YEATS2: variants seen among roughly 807,000 people sequenced by gnomAD.
The protein encoded by YEATS2 is YEATS domain containing 2.
YEATS2 carries 77 observed loss-of-function variants against 163.2 expected under a neutral mutation model. The ratio of observed to expected loss-of-function variants is 0.47; its 90% CI spans 0.39 to 0.57. YEATS2 has a LOEUF of 0.57. Among genes scored for constraint, YEATS2 ranks in the 20% least tolerant of loss-of-function variants. The pLI, the probability that YEATS2 is intolerant of heterozygous loss-of-function variation, is 0.00. For synonymous variants in YEATS2, 631 were observed against 645.1 expected, an observed-to-expected ratio of 0.98 and a Z score of 0.33; for missense variants, 1,549 against 1,729.8, an observed-to-expected ratio of 0.90 and a Z score of 1.85.
intron 19 of YEATS2, among the ~76,000 whole-genome samples, chr3:183,778,884 T>TAA (rs1409771978): frequency 6.6e-6 from 1 of 152,184 alleles, no homozygotes; most frequent in African/African-American, 2.4e-5. Flanking sequence ...GTTTTTATAT[T>TAA]ACTGTTTTAA....
In YEATS2 at chr3:183,800,457, C is replaced by G; in HGVS notation, c.3326-9C>G. Reference sequence around the variant, plus strand: ...TAACAGCTGCCTCTTTGTTGCTCTTCCCTTGTAGTGAAGACTGAACCAGAA... The same window carrying G: ...TAACAGCTGCCTCTTTGTTGCTCTTGCCTTGTAGTGAAGACTGAACCAGAA... On this transcript the variant is annotated splice_polypyrimidine_tract_variant and intron_variant, in intron 23 of 30. Transcript: ENST00000305135. 1 of 1,610,938 alleles carries G rather than the reference C, an allele frequency of 6.2e-7. No homozygotes were observed. Among genetic ancestry groups the G allele is most frequent in the Non-Finnish European group, 8.5e-7 (1 of 1,177,614 alleles).
At chr3:183,740,999 C>T (rs182608453) in intron 8 of YEATS2, among the ~76,000 whole-genome samples, 71 of 152,188 alleles carry the variant, frequency 4.7e-4, no homozygotes, top group East Asian at 4.4e-3. Flanking sequence ...AGTATAGTGG[C>T]GTGATCTCGG....
At chr3:183,764,083 A>G (rs975924348) in intron 15 of YEATS2, among the ~76,000 whole-genome samples, 1 of 151,852 alleles carries the variant, frequency 6.6e-6, no homozygotes, top group African/African-American at 2.4e-5. Context: ...AAAAAACAAA[A>G]AACAATGGCT....
chr3:183,718,415 T>A, intron 3 of YEATS2, 85 bp from the exon 4 acceptor site: 3 of 969,558 alleles, frequency 3.1e-6, no homozygotes, highest in Non-Finnish European at 4.5e-6. Flanking sequence ...TTTTCACTCA[T>A]TCACGTTTCT....
intron 19 of YEATS2, among the ~76,000 whole-genome samples, chr3:183,779,462 G>T (rs73175349): frequency 6.6e-6 from 1 of 152,242 alleles, no homozygotes; most frequent in Non-Finnish European, 1.5e-5. Context: ...AGTTCCTGTT[G>T]CCCCTCCCTC....
rs1488698963 is a variant in YEATS2 at position 183,711,052 on chromosome 3, TAA to T, written c.-19-4091_-19-4090del. 2.6e-5 allele frequency among the ~76,000 whole-genome samples: 4 copies of T among 152,160 alleles called. No homozygotes were observed. The East Asian group carries it at 7.7e-4, about 29-fold the overall frequency. On this transcript the variant is annotated intron_variant, in intron 1 of 30. Coordinates refer to ENST00000305135, the MANE Select transcript of YEATS2 (RefSeq NM_018023.5). ...CTATCTGCATTAAGGAAGAATAAATTAAGTTTATTTTTTTTTAAAGTTGTCTT... is the reference window on the plus strand; with the variant it reads ...CTATCTGCATTAAGGAAGAATAAATTGTTTATTTTTTTTTAAAGTTGTCTT...
chr3:183,782,173 G>A (rs1456167985), intron 19 of YEATS2, among the ~76,000 whole-genome samples: 1 of 151,884 alleles, frequency 6.6e-6, no homozygotes, highest in Non-Finnish European at 1.5e-5. Flanking sequence ...GCAGTGGTGC[G>A]ATCTTGGCTC....
At chr3:183,805,500 T>C (rs1726098080) in intron 27 of YEATS2, among the ~76,000 whole-genome samples, 1 of 151,158 alleles carries the variant, frequency 6.6e-6, no homozygotes, top group Admixed American at 6.6e-5. Flanking sequence ...AGCACAGAGG[T>C]GGGGTTACTT....
At chr3:183,751,405 A>G (rs541518441) in intron 9 of YEATS2, among the ~76,000 whole-genome samples, 2 of 152,106 alleles carry the variant, frequency 1.3e-5, no homozygotes, top group South Asian at 2.1e-4. Context: ...CTTTTTTTGT[A>G]TTCATCATAT....
At chr3:183,730,396 GGTT>G (rs1310723789) in intron 7 of YEATS2, among the ~76,000 whole-genome samples, 2 of 152,042 alleles carry the variant, frequency 1.3e-5, no homozygotes, top group African/African-American at 4.8e-5. Flanking sequence ...CTGTGGAAGT[GGTT>G]GTTGGTTATT....
chr3:183,736,794 C>G lies in YEATS2; in HGVS notation c.889C>G (p.Gln297Glu). 6.2e-7 allele frequency: 1 copy of G among 1,613,808 alleles called. No homozygotes were observed. The highest frequency in any genetic ancestry group is 1.1e-5 in the South Asian group (1 of 91,036). ...AGTTCAAGTTCATTTTAAGGACAGC[C>G]AGAACAAGCGGATAGATATCATACA... is the stretch of plus-strand genomic sequence containing the variant. ...VRVQVHFKDS[Q>E]NKRIDIIHNL... Residue 297 changes from glutamine (Q) to glutamate (E), a missense_variant, in exon 8 of 31, where the codon CAG (glutamine) becomes GAG (glutamate). By Grantham distance (29) the Gln-to-Glu change is conservative. Transcript: ENST00000305135.
At chr3:183,732,869 A>AT (rs1025954855) in intron 7 of YEATS2, among the ~76,000 whole-genome samples, 4 of 149,396 alleles carry the variant, frequency 2.7e-5, no homozygotes, top group Non-Finnish European at 4.5e-5. Context: ...AATTTTGTTT[A>AT]TTTTTTTAGA....
At chr3:183,780,000 CTTTT>C (rs71298586) in intron 19 of YEATS2, among the ~76,000 whole-genome samples, 2 of 134,812 alleles carry the variant, frequency 1.5e-5, no homozygotes, top group Non-Finnish European at 3.2e-5. Context: ...CTGGCCTTTA[CTTTT>C]TTTTTTTTTT....
intron 1 of YEATS2, among the ~76,000 whole-genome samples, chr3:183,702,838 A>G (rs1022591985): frequency 6.6e-6 from 1 of 151,990 alleles, no homozygotes; most frequent in Non-Finnish European, 1.5e-5. Flanking sequence ...TCTCTCAAAA[A>G]AAAAAAAGGG....
In YEATS2 at chr3:183,717,742, T is replaced by C; in HGVS notation, c.192T>C (p.Ile64=). ...MKNKEHEIEV[I]DQRLIEARRM... ...ATAAGGAACATGAAATTGAAGTCAT[T>C]GACCAGGTATAATGATGATAAATTG... Residue 64 remains isoleucine, a synonymous_variant, in exon 3 of 31, where the codon ATT becomes ATC. Coordinates refer to ENST00000305135, the MANE Select transcript of YEATS2 (RefSeq NM_018023.5). The C allele has an allele frequency of 6.5e-7, 1 of 1,541,092 alleles. No individual in the cohort carries two copies. The highest frequency in any genetic ancestry group is 8.7e-7 in the Non-Finnish European group (1 of 1,149,730).
At chr3:183,705,046 T>G (rs1452515659) in intron 1 of YEATS2, among the ~76,000 whole-genome samples, 1 of 152,108 alleles carries the variant, frequency 6.6e-6, no homozygotes, top group African/African-American at 2.4e-5. Flanking sequence ...TCTTTTTTGT[T>G]TGTTGTGTTT....
intron 8 of YEATS2, 150 bp downstream of exon 8, chr3:183,736,979 T>G (rs1253492906): frequency 5.3e-6 from 3 of 560,844 alleles, no homozygotes; most frequent in Non-Finnish European, 9.3e-6. Context: ...ATTAATAGCC[T>G]ACTGTTGACT....
chr3:183,714,197 A>T, intron 1 of YEATS2, among the ~76,000 whole-genome samples: 1 of 138,558 alleles, frequency 7.2e-6, no homozygotes. Flanking sequence ...GATTTATGGG[A>T]TTTTTTTTTT....
At chr3:183,698,949 A>G (rs1713782974) in intron 1 of YEATS2, among the ~76,000 whole-genome samples, 1 of 152,192 alleles carries the variant, frequency 6.6e-6, no homozygotes, top group Non-Finnish European at 1.5e-5. Context: ...TCTTTAAAAG[A>G]TAGGGCAGAT....
Sources: gnomAD v4.1 joint callset for allele counts (sites outside exome capture counted in the v4.1 genomes callset) on GRCh38, gnomAD v4.1.1 for gene constraint, MANE v1.5 for transcripts, NCBI Gene and HGNC (gene_info 2026-07-23, HGNC 2026-07-21) for gene names.